The following PHACTR3 variants were observed in gnomAD, a reference collection of about 807,000 sequenced individuals.
PHACTR3 encodes the protein protein phosphatase 1, regulatory subunit 123.
PHACTR3 carries 16 observed loss-of-function variants against 66.8 expected under a neutral mutation model. That is an observed-to-expected ratio of 0.24 (90% CI 0.16 to 0.36). PHACTR3 has a LOEUF of 0.36. Among genes scored for constraint, PHACTR3 ranks in the 10% least tolerant of loss-of-function variants. PHACTR3 has a pLI of 1.00. For missense variants in PHACTR3, 647 were observed against 719.9 expected (o/e 0.90, Z 1.16); for synonymous variants, 323 against 292.1 (o/e 1.11, Z -1.08).
At chr20:59,708,890 A>T (rs568703421) in intron 1 of PHACTR3, among the ~76,000 whole-genome samples, 1 of 152,206 alleles carries the variant, frequency 6.6e-6, no homozygotes. Flanking sequence ...CTCCCATGCA[A>T]ATACAGTGAC....
intron 1 of PHACTR3, among the ~76,000 whole-genome samples, chr20:59,677,009 C>CCCTG (rs2036472257): frequency 6.6e-6 from 1 of 151,916 alleles, no homozygotes; most frequent in Non-Finnish European, 1.5e-5. Context: ...CCAGGATCAG[C>CCCTG]CCTGGGTTTC....
At chr20:59,660,910 T>A (rs915327422) in intron 1 of PHACTR3, among the ~76,000 whole-genome samples, 1 of 152,242 alleles carries the variant, frequency 6.6e-6, no homozygotes, top group Non-Finnish European at 1.5e-5. Flanking sequence ...CATTGCTTCA[T>A]CTGTGGGAAA....
intron 1 of PHACTR3, among the ~76,000 whole-genome samples, chr20:59,616,830 G>A (rs2034041377): frequency 6.6e-6 from 1 of 152,158 alleles, no homozygotes; most frequent in Admixed American, 6.5e-5. Context: ...GATTTAGGGA[G>A]AATTTATAAT....
intron 1 of PHACTR3, among the ~76,000 whole-genome samples, chr20:59,664,226 G>A (rs1034461295): frequency 3.3e-5 from 5 of 152,202 alleles, no homozygotes; most frequent in Non-Finnish European, 7.3e-5. Context: ...CAAAAGGAGT[G>A]AGTGTAAGGA....
intron 1 of PHACTR3, among the ~76,000 whole-genome samples, chr20:59,637,158 A>G (rs2034927485): frequency 6.6e-6 from 1 of 152,170 alleles, no homozygotes; most frequent in South Asian, 2.1e-4. Flanking sequence ...TCTGAAGGTG[A>G]GCAGTACCTT....
At chr20:59,753,090 C>A (rs2146811580) in intron 3 of PHACTR3, among the ~76,000 whole-genome samples, 1 of 152,084 alleles carries the variant, frequency 6.6e-6, no homozygotes, top group Non-Finnish European at 1.5e-5. Flanking sequence ...GGCTCAGGAC[C>A]TGTTTTTATG....
At chr20:59,786,207 G>C (rs912838682) in intron 7 of PHACTR3, among the ~76,000 whole-genome samples, 1 of 152,240 alleles carries the variant, frequency 6.6e-6, no homozygotes, top group African/African-American at 2.4e-5. Flanking sequence ...GTGCAGGCTA[G>C]CCTGGTGTCT....
intron 1 of PHACTR3, among the ~76,000 whole-genome samples, chr20:59,717,908 A>T (rs967873470): frequency 1.3e-5 from 2 of 152,174 alleles, no homozygotes; most frequent in African/African-American, 4.8e-5. Context: ...AGACAGATTT[A>T]TGTCCTTTGT....
At chr20:59,835,978 A>C (rs1217186807) in intron 8 of PHACTR3, 2 of 152,712 alleles carry the variant, frequency 1.3e-5, no homozygotes, top group African/African-American at 4.8e-5. Context: ...AGGCGGCTCT[A>C]CTCAGCAGTT....
At chr20:59,602,332 G>A (rs2033500423), upstream of PHACTR3, among the ~76,000 whole-genome samples, 1 of 151,860 alleles carries the variant, frequency 6.6e-6, no homozygotes, top group South Asian at 2.1e-4. Flanking sequence ...TAGGAAGGCT[G>A]AGGTGGGATG....
At chr20:59,787,810 T>C (rs189447612) in intron 7 of PHACTR3, among the ~76,000 whole-genome samples, 1 of 152,272 alleles carries the variant, frequency 6.6e-6, no homozygotes, top group Non-Finnish European at 1.5e-5. Flanking sequence ...GCACCCTCAC[T>C]TTCCTCTTTG....
Position 59,767,236 on chromosome 20 carries a change from C to T in PHACTR3, c.592C>T (p.Leu198=), listed in dbSNP as rs2040207913. 2 of 1,614,280 alleles carry T rather than the reference C, an allele frequency of 1.2e-6. No individual in the cohort carries two copies. Among genetic ancestry groups the T allele is most frequent in the East Asian group, 2.2e-5 (1 of 44,890 alleles). Residue 198 remains leucine (L), a synonymous_variant, in exon 5 of 13, where the codon CTG becomes TTG. Coordinates refer to ENST00000371015, the MANE Select transcript of PHACTR3 (RefSeq NM_080672.5). The part of the protein sequence containing the change: ...SGEEADAGSL[L]PTTNELSQAL... ...TGAAGAAGCAGACGCTGGCAGCCTC[C>T]TGCCCACCACCAATGAGCTCTCCCA... is the stretch of plus-strand genomic sequence containing the variant.
chr20:59,714,492 G>A (rs1255773346), intron 1 of PHACTR3, among the ~76,000 whole-genome samples: 2 of 152,178 alleles, frequency 1.3e-5, no homozygotes, highest in African/African-American at 4.8e-5. Context: ...AAATCAGTCA[G>A]TACACTGCGT....
At chr20:59,745,552 C>G (rs776926277) in intron 2 of PHACTR3, among the ~76,000 whole-genome samples, 31 of 152,248 alleles carry the variant, frequency 2.0e-4, no homozygotes, top group Non-Finnish European at 4.4e-4. Context: ...CACTATTTTC[C>G]TTTAAAGCAG....
At position 59,829,311 on chromosome 20, in the gene PHACTR3, T is replaced by A. The variant is rs1400515183; in HGVS notation, c.1329-7194T>A. On this transcript the variant is annotated intron_variant, in intron 8 of 12. Transcript: ENST00000371015. The surrounding 1 kb of genome is among the most constrained non-coding windows in gnomAD (Gnocchi z 4.2). The stretch of plus-strand genomic sequence containing the variant: ...AACATCCCTGCTTGCTGTTTCCTAG[T>A]GTGGACACACTCCATCCCCTCTGCC... Among the ~76,000 whole-genome samples the A allele has an allele frequency of 6.6e-6, 1 of 152,136 alleles. No homozygotes were observed. Among genetic ancestry groups the A allele is most frequent in the Non-Finnish European group, 1.5e-5 (1 of 68,006 alleles).
At chr20:59,689,141 G>A (rs1481592302) in intron 1 of PHACTR3, among the ~76,000 whole-genome samples, 1 of 152,198 alleles carries the variant, frequency 6.6e-6, no homozygotes, top group East Asian at 1.9e-4. Context: ...TCATGATGCC[G>A]GGAGAGTTGC....
At chr20:59,594,271 G>A (rs989150735) in intron 1 of PHACTR3, among the ~76,000 whole-genome samples, 1 of 151,426 alleles carries the variant, frequency 6.6e-6, no homozygotes, top group Non-Finnish European at 1.5e-5. Context: ...TAACTTCTGT[G>A]TGTTATCCTT....
intron 4 of PHACTR3, among the ~76,000 whole-genome samples, chr20:59,756,317 G>C (rs976308987): frequency 2.6e-5 from 4 of 152,180 alleles, no homozygotes; most frequent in African/African-American, 9.6e-5. Context: ...AGGTGAACGC[G>C]TCTCTCCGTG....
intron 1 of PHACTR3, among the ~76,000 whole-genome samples, chr20:59,741,402 C>T (rs549360192): frequency 7.2e-4 from 110 of 152,302 alleles, no homozygotes; most frequent in Non-Finnish European, 8.1e-4. Flanking sequence ...CCTCCCCCAG[C>T]GACACTGGGA....
Sources: allele counts gnomAD v4.1 joint callset (sites outside exome capture counted in the v4.1 genomes callset), GRCh38; gene constraint gnomAD v4.1.1; non-coding constraint Gnocchi (gnomAD v3.1); transcripts MANE v1.5; gene names NCBI Gene and HGNC (gene_info 2026-07-23, HGNC 2026-07-21).